DNAH12: variants seen among roughly 807,000 people sequenced by gnomAD.
DNAH12 encodes axonemal beta dynein heavy chain 12.
Under a neutral mutation model 371.5 loss-of-function variants are expected in DNAH12, and 285 were observed. That is an observed-to-expected ratio of 0.77 (90% CI 0.70 to 0.85). The LOEUF is 0.85. Among genes scored for constraint, DNAH12 ranks in the 40% least tolerant of loss-of-function variants. The pLI, the probability that DNAH12 is intolerant of heterozygous loss-of-function variation, is 0.00. For missense variants in DNAH12, 3,611 were observed against 3,689.4 expected, an observed-to-expected ratio of 0.98 and a Z score of 0.55; for synonymous variants, 1,200 against 1,213.0, an observed-to-expected ratio of 0.99 and a Z score of 0.22.
chr3:57,349,305 A>G (rs1360305033), intron 60 of DNAH12, among the ~76,000 whole-genome samples: 1 of 152,204 alleles, frequency 6.6e-6, no homozygotes, highest in Non-Finnish European at 1.5e-5. Flanking sequence ...AGGAATGGCC[A>G]CACACAAAAA....
chr3:57,483,534 T>C (rs1456906260), intron 12 of DNAH12, 23 bp from the exon 13 acceptor site: 11 of 1,536,176 alleles, frequency 7.2e-6, no homozygotes, highest in Non-Finnish European at 9.6e-6. Context: ...TCTGCTTTAA[T>C]AGACTTATGG....
At chr3:57,418,115 C>T (rs7631426) in intron 37 of DNAH12, among the ~76,000 whole-genome samples, 35,496 of 151,744 alleles carry the variant, frequency 0.23, 4,803 homozygotes, top group South Asian at 0.44. Context: ...TGCTGGAATG[C>T]ACTGCATTCC....
At chr3:57,401,391 T>G (rs1288340754) in intron 43 of DNAH12, among the ~76,000 whole-genome samples, 2 of 94,566 alleles carry the variant, frequency 2.1e-5, no homozygotes, top group African/African-American at 7.0e-5. Context: ...TCTACTAAAA[T>G]ACAAAAAAAA....
chr3:57,504,914 T>C (rs555717945), intron 8 of DNAH12, among the ~76,000 whole-genome samples: 17 of 152,216 alleles, frequency 1.1e-4, no homozygotes, highest in African/African-American at 4.1e-4. Context: ...CTTTTTGTTT[T>C]TGAGACAGCA....
intron 2 of DNAH12, among the ~76,000 whole-genome samples, chr3:57,537,811 A>C (rs558579002): frequency 2.0e-5 from 3 of 151,590 alleles, no homozygotes; most frequent in African/African-American, 7.3e-5. Flanking sequence ...CAGCCTCCCG[A>C]GTAGCTAGGA....
chr3:57,478,543 G>A (rs1049043035), intron 13 of DNAH12, among the ~76,000 whole-genome samples: 1 of 152,074 alleles, frequency 6.6e-6, no homozygotes, highest in Non-Finnish European at 1.5e-5. Flanking sequence ...AGCAAGGCAG[G>A]CCAACATTCA....
chr3:57,428,399 T>C (rs2064849682), intron 34 of DNAH12: 4 of 1,460,324 alleles, frequency 2.7e-6, no homozygotes, highest in Non-Finnish European at 3.7e-6. Flanking sequence ...CGGAAAGTAA[T>C]TAGAATTTTT....
Position 57,433,836 on chromosome 3 carries a change from G to A in DNAH12, c.4656-8C>T, listed in dbSNP as rs781176965. The A allele has an allele frequency of 6.0e-6, 9 of 1,508,270 alleles. No homozygotes were observed. In the South Asian group the frequency reaches 8.1e-5, roughly 14 times the overall value. 93.4% of individuals were successfully genotyped at this position (1,508,270 alleles called of 1,614,324 possible). On this transcript the variant is annotated splice_region_variant and splice_polypyrimidine_tract_variant and intron_variant, in intron 30 of 73. Coordinates refer to ENST00000495027, the MANE Select transcript of DNAH12 (RefSeq NM_001366028.2). ...TCTCCTACTAACATAAAACTATGAAGGAAAAGAAATAATTATACAATAAGA... is the reference window on the plus strand; with the variant it reads ...TCTCCTACTAACATAAAACTATGAAAGAAAAGAAATAATTATACAATAAGA...
At position 57,483,432 on chromosome 3, in the gene DNAH12, A is replaced by G. The variant is rs2066819152; in HGVS notation, c.1594T>C (p.Ser532Pro). Residue 532 changes from serine to proline, a missense_variant, in exon 13 of 74, where the codon TCT (serine) becomes CCT (proline). Ser to Pro is a moderately conservative substitution (Grantham distance 74, BLOSUM62 -1). Around this residue, in one of 3 missense-constraint regions of DNAH12, gnomAD observed 1,314 missense variants for 1,398.7 expected, o/e 0.94. Coordinates refer to ENST00000495027, the MANE Select transcript of DNAH12 (RefSeq NM_001366028.2). Reference sequence around the variant, plus strand: ...ACAGTCCGGGCTTTTTCTACATAAGATATCAGATCCATCATCTCTTCTGTT... The same window carrying G: ...ACAGTCCGGGCTTTTTCTACATAAGGTATCAGATCCATCATCTCTTCTGTT... ...ETTEEMMDLISYVEKARTVGI... is the reference protein window; with the variant it reads ...ETTEEMMDLIPYVEKARTVGI... The G allele has an allele frequency of 1.9e-6, 3 of 1,551,324 alleles. No individual in the cohort carries two copies. The Admixed American group carries it at 5.9e-5, about 30-fold the overall frequency.
intron 29 of DNAH12, 113 bp downstream of exon 29, chr3:57,444,584 A>G (rs2153369966): frequency 2.1e-6 from 3 of 1,439,230 alleles, no homozygotes; most frequent in Non-Finnish European, 2.8e-6. Flanking sequence ...TGGACAAAAT[A>G]GGGGATTTTC....
intron 55 of DNAH12, among the ~76,000 whole-genome samples, chr3:57,368,589 AC>A (rs2063101353): frequency 6.6e-6 from 1 of 152,180 alleles, no homozygotes; most frequent in Non-Finnish European, 1.5e-5. Flanking sequence ...CTTCATGGTA[AC>A]TTTAATACAC....
chr3:57,453,679 T>C (rs1245841818), intron 23 of DNAH12, among the ~76,000 whole-genome samples: 3 of 152,002 alleles, frequency 2.0e-5, no homozygotes, highest in Non-Finnish European at 4.4e-5. Context: ...GTTCAAGTGA[T>C]TCTCCTGCCT....
Position 57,415,523 on chromosome 3 carries a change from A to G in DNAH12, c.5756T>C (p.Val1919Ala), listed in dbSNP as rs914467197. The change falls in exon 38 of 74, where the codon GTG (valine) becomes GCG (alanine). Residue 1919 changes from valine to alanine, a missense_variant. Transcript: ENST00000495027. ...ATTCATTAGCTTATCCTTCACATAC[A>G]CAGATTTTCCTGTACCCGTTGGACC... is the stretch of plus-strand genomic sequence containing the variant. ...FVGPTGTGKS[V>A]YVKDKLMNHL... 1 of 1,550,472 alleles carries G rather than the reference A, an allele frequency of 6.4e-7. No homozygotes were observed. The highest frequency in any genetic ancestry group is 1.4e-5 in the African/African-American group (1 of 72,994).
chr3:57,484,351 A>G (rs1443732615), intron 12 of DNAH12, among the ~76,000 whole-genome samples: 1 of 152,206 alleles, frequency 6.6e-6, no homozygotes, highest in Non-Finnish European at 1.5e-5. Context: ...GATATCCTAC[A>G]GCATTATTCA....
chr3:57,445,453 C>A (rs1463500574), intron 27 of DNAH12, 34 bp from the exon 28 acceptor site: 6 of 1,429,276 alleles, frequency 4.2e-6, no homozygotes, highest in Non-Finnish European at 5.5e-6. Flanking sequence ...ATATTACGTA[C>A]ATAAATGAAG....
At chr3:57,520,019 C>A (rs903959572) in intron 4 of DNAH12, 3 of 764,998 alleles carry the variant, frequency 3.9e-6, no homozygotes, top group East Asian at 2.7e-5. Flanking sequence ...ATGGTAGCGC[C>A]GCGGAGCCGA....
intron 11 of DNAH12, among the ~76,000 whole-genome samples, chr3:57,498,760 G>A (rs2067402724): frequency 6.6e-6 from 1 of 152,148 alleles, no homozygotes; most frequent in Non-Finnish European, 1.5e-5. Flanking sequence ...AGCATTTTGG[G>A]AGGCCGAGGT....
chr3:57,307,227 C>T (rs554828924), intron 69 of DNAH12, among the ~76,000 whole-genome samples: 24 of 88,358 alleles, frequency 2.7e-4, no homozygotes, highest in African/African-American at 1.1e-3. Context: ...TGGTTAGATA[C>T]GACTTTAGAT....
intron 11 of DNAH12, among the ~76,000 whole-genome samples, chr3:57,491,401 T>C (rs917199958): frequency 1.3e-5 from 2 of 152,158 alleles, no homozygotes; most frequent in Admixed American, 1.3e-4. Flanking sequence ...TTAAGCTACA[T>C]GGTTATTAAC....
Sources: gnomAD v4.1 joint callset for allele counts (sites outside exome capture counted in the v4.1 genomes callset) on GRCh38, gnomAD v4.1.1 for gene constraint, gnomAD v4.1.1 regional missense constraint, MANE v1.5 for transcripts, NCBI Gene and HGNC (gene_info 2026-07-23, HGNC 2026-07-21) for gene names.